SH3D21: variants seen among roughly 807,000 people sequenced by gnomAD.
The protein encoded by SH3D21 is manchette microtubule inner protein 1, also known as SH3 domain-containing protein 21.
In SH3D21, 83 loss-of-function variants were observed where a neutral mutation model predicts 82.1. That is an observed-to-expected ratio of 1.01 (90% CI 0.85 to 1.21). The LOEUF (loss-of-function observed/expected upper bound fraction) is 1.21. Among genes scored for constraint, SH3D21 ranks in the 50% most tolerant of loss-of-function variants. SH3D21 has a pLI of 0.00. For synonymous variants in SH3D21, 383 were observed against 387.8 expected, an observed-to-expected ratio of 0.99 and a Z score of 0.15; for missense variants, 980 against 962.1, an observed-to-expected ratio of 1.02 and a Z score of -0.25.
Position 36,307,723 on chromosome 1 carries a change from C to G in SH3D21, c.437-47C>G. 1 of 1,546,534 alleles carries G rather than the reference C, an allele frequency of 6.5e-7. No homozygotes were observed. Among genetic ancestry groups the G allele is most frequent in the Non-Finnish European group, 8.7e-7 (1 of 1,143,728 alleles). ...GACCCCTCTGACCCTCTCCCATGAC[C>G]TAACCTGTGAATTAGCACCCTCCCT... On this transcript the variant is annotated intron_variant, in intron 5 of 15. Transcript: ENST00000453908. The surrounding 1 kb of genome is among the most constrained non-coding windows in gnomAD (Gnocchi z 5.4).
rs1449436930 is a variant in SH3D21 at position 36,320,555 on chromosome 1, A to C, written c.1892A>C (p.Lys631Thr). ...GVASKEEVTL[K>T]EELPPKEEVA... ...GCTTCCAAAGAGGAGGTGACCCTGA[A>C]AGAGGAATTGCCCCCTAAAGAGGAA... is the stretch of plus-strand genomic sequence containing the variant. The change falls in exon 14 of 16, where the codon AAA (lysine) becomes ACA (threonine). Residue 631 changes from lysine to threonine, a missense_variant. Lys to Thr is a moderately conservative substitution (Grantham distance 78). Coordinates refer to ENST00000453908, the MANE Select transcript of SH3D21 (RefSeq NM_001162530.2). The C allele has an allele frequency of 1.2e-6, 2 of 1,614,040 alleles. No homozygotes were observed. Among genetic ancestry groups the C allele is most frequent in the African/African-American group, 2.7e-5 (2 of 74,918 alleles).
In SH3D21 at chr1:36,321,313, C is replaced by T; in HGVS notation, c.*186C>T. 2 of 1,432,072 alleles carry T rather than the reference C, an allele frequency of 1.4e-6. No homozygotes were observed. The highest frequency in any genetic ancestry group is 1.8e-6 in the Non-Finnish European group (2 of 1,097,794). The allele number at this position is 1,432,072 out of a possible 1,614,324, so 88.7% of individuals were successfully genotyped here. A position where few individuals can be genotyped will look rare whatever the true frequency, so the allele number is the denominator to read the frequency against. On this transcript the variant is annotated 3_prime_UTR_variant, in exon 16 of 16. Transcript: ENST00000453908. This position sits in a 1 kb window ranked among gnomAD's most constrained non-coding sequence, Gnocchi z 6.1. The stretch of plus-strand genomic sequence containing the variant: ...CGCATTCCTGACGGTCCCTCCCAGG[C>T]ACATCTGGCCAACATGTGGCTCCCA...
At chr1:36,329,212 G>A (rs547032909), downstream of SH3D21, 1 of 152,184 alleles carries the variant, frequency 6.6e-6, no homozygotes, top group Admixed American at 6.5e-5. Context: ...GAAATAAAAG[G>A]TAATGATAAT....
rs761915057 is a variant in SH3D21, at chr1:36,320,509, G to T, written c.1846G>T (p.Val616Leu). Residue 616 changes from valine (V) to leucine (L), a missense_variant, in exon 14 of 16, where the codon GTG (valine) becomes TTG (leucine). Transcript: ENST00000453908. ...PNEQRPLREE[V>L]LPKEGVASKE... Reference sequence around the variant, plus strand: ...CGAGCAGAGGCCTCTGAGAGAGGAGGTGCTCCCCAAAGAGGGAGTGGCTTC... The same window carrying T: ...CGAGCAGAGGCCTCTGAGAGAGGAGTTGCTCCCCAAAGAGGGAGTGGCTTC... 6.2e-7 allele frequency: 1 copy of T among 1,614,022 alleles called. No homozygotes were observed. The highest frequency in any genetic ancestry group is 2.2e-5 in the East Asian group (1 of 44,890).
In SH3D21 at chr1:36,307,033, T is replaced by C; in HGVS notation, c.226+128T>C. The C allele has an allele frequency of 1.4e-6, 2 of 1,447,346 alleles. No individual in the cohort carries two copies. Among genetic ancestry groups the C allele is most frequent in the Non-Finnish European group, 1.8e-6 (2 of 1,096,490 alleles). 89.7% of individuals were successfully genotyped at this position (1,447,346 alleles called of 1,614,324 possible). A position where few individuals can be genotyped will look rare whatever the true frequency, so the allele number is the denominator to read the frequency against. ...CTCGGGGCCGCCCTGCGGTCTGTGA[T>C]TGGTTCTCGAGTGCAATGCTCCGCC... On this transcript the variant is annotated intron_variant, in intron 3 of 15. Coordinates refer to ENST00000453908, the MANE Select transcript of SH3D21 (RefSeq NM_001162530.2). This position sits in a 1 kb window ranked among gnomAD's most constrained non-coding sequence, Gnocchi z 5.4.
chr1:36,330,026 A>G (rs1646577227), downstream of SH3D21, among the ~76,000 whole-genome samples: 1 of 151,732 alleles, frequency 6.6e-6, no homozygotes, highest in South Asian at 2.1e-4. Flanking sequence ...GAACTGGCAA[A>G]CAGTTCCAGG....
At chr1:36,309,521 C>T (rs181543739) in intron 9 of SH3D21, 27 bp from the exon 10 acceptor site, 7 of 1,551,174 alleles carry the variant, frequency 4.5e-6, no homozygotes, top group Non-Finnish European at 6.1e-6. Flanking sequence ...ATTAAGGATG[C>T]TCAACCTTTA....
intron 10 of SH3D21, among the ~76,000 whole-genome samples, chr1:36,310,070 T>G (rs1646208118): frequency 6.6e-6 from 1 of 152,108 alleles, no homozygotes; most frequent in Admixed American, 6.6e-5. Context: ...TTCTTCTGCC[T>G]CAGCCTCCCA....
downstream of SH3D21, chr1:36,322,882 G>A (rs1646491738): frequency 3.9e-6 from 6 of 1,550,202 alleles, no homozygotes; most frequent in South Asian, 2.3e-5. Context: ...GGGGAGCGGG[G>A]CGGAGGGGAC....
chr1:36,311,909 G>A (rs1646248000), intron 10 of SH3D21, among the ~76,000 whole-genome samples: 1 of 151,578 alleles, frequency 6.6e-6, no homozygotes, highest in African/African-American at 2.4e-5. Flanking sequence ...TGCCCAGGCT[G>A]GTCTCGAACT....
downstream of SH3D21, chr1:36,328,063 C>G (rs1303762155): frequency 2.2e-6 from 1 of 463,858 alleles, no homozygotes; most frequent in African/African-American, 2.0e-5. Flanking sequence ...TGTCTGCTCA[C>G]CTGCCTGCTT....
At chr1:36,323,768 A>C (rs559272229), downstream of SH3D21, 2 of 151,454 alleles carry the variant, frequency 1.3e-5, no homozygotes, top group African/African-American at 4.9e-5. Context: ...CGTCCCCCAC[A>C]GGAAACCGCC....
At chr1:36,322,232 G>A, downstream of SH3D21, 1 of 1,425,038 alleles carries the variant, frequency 7.0e-7, no homozygotes, top group Non-Finnish European at 9.2e-7. Context: ...AAGGTGTGGG[G>A]TAGCTCTGAG....
chr1:36,319,504 C>T lies in SH3D21; in HGVS notation c.979C>T (p.Gln327Ter). 1 of 1,551,666 alleles carries T rather than the reference C, an allele frequency of 6.4e-7. No individual in the cohort carries two copies. The highest frequency in any genetic ancestry group is 8.7e-7 in the Non-Finnish European group (1 of 1,146,974). Reference protein sequence around the residue: ...YHPGRKRSKTQTPQQRSVSSQ... With the variant: ...YHPGRKRSKT ...CCCTGGCCGAAAGCGATCCAAAACCCAGACTCCCCAGCAACGCTCTGTGTC... is the reference window on the plus strand; with the variant it reads ...CCCTGGCCGAAAGCGATCCAAAACCTAGACTCCCCAGCAACGCTCTGTGTC... Residue 327 changes from glutamine (Q) to a stop codon, truncating the protein, a stop_gained, in exon 13 of 16, where the codon CAG (glutamine) becomes TAG (stop). Transcript: ENST00000453908. LOFTEE classifies it high-confidence loss of function.
Position 36,320,958 on chromosome 1 carries a change from G to C in SH3D21, c.2179G>C (p.Glu727Gln). The change falls in exon 15 of 16, where the codon GAG (glutamate) becomes CAG (glutamine). Residue 727 changes from glutamate (E) to glutamine (Q), a missense_variant. Glu to Gln is a conservative substitution (Grantham distance 29). Transcript: ENST00000453908. ...DIWEELKSEK[E>Q]QRRRLEVQVM... is the part of the protein sequence containing the mutation. ...CTGGGAGGAGCTGAAGAGCGAGAAG[G>C]AGCAGCGCCGGCGGCTGGAGGTGAG... 1 of 1,571,052 alleles carries C rather than the reference G, an allele frequency of 6.4e-7. No individual in the cohort carries two copies. The highest frequency in any genetic ancestry group is 8.6e-7 in the Non-Finnish European group (1 of 1,158,114).
Position 36,320,691 on chromosome 1 carries a change from C to G in SH3D21, c.2028C>G (p.Val676=). ...AGACGCTCGCGCTCCCCTCGCTGGTCCCGCAAAACTACACGGAAAACAAGA... is the reference window on the plus strand; with the variant it reads ...AGACGCTCGCGCTCCCCTCGCTGGTGCCGCAAAACTACACGGAAAACAAGA... ...SQETLALPSL[V]PQNYTENKNE... Residue 676 remains valine (V), a synonymous_variant, in exon 14 of 16, where the codon GTC becomes GTG. Transcript: ENST00000453908. 1 of 1,614,214 alleles carries G rather than the reference C, an allele frequency of 6.2e-7. No homozygotes were observed. The highest frequency in any genetic ancestry group is 1.3e-5 in the African/African-American group (1 of 75,072).
Position 36,307,813 on chromosome 1 carries a change from G to T in SH3D21, c.480G>T (p.Gln160His). ...TGCCTTCAGTCAGCCCTGGTCCCCA[G>T]CGGCCTCCCAAGGTAAGTTGGCTCA... ...PDMPSVSPGP[Q>H]RPPKLSSLAY... Residue 160 changes from glutamine to histidine, a missense_variant, in exon 6 of 16, where the codon CAG (glutamine) becomes CAT (histidine). Transcript: ENST00000453908. The surrounding 1 kb of genome is among the most constrained non-coding windows in gnomAD (Gnocchi z 5.4). The T allele has an allele frequency of 6.4e-7, 1 of 1,551,820 alleles. No individual in the cohort carries two copies. Among genetic ancestry groups the T allele is most frequent in the Non-Finnish European group, 8.7e-7 (1 of 1,147,022 alleles).
At chr1:36,312,955 G>T (rs981730500) in intron 10 of SH3D21, among the ~76,000 whole-genome samples, 1 of 152,080 alleles carries the variant, frequency 6.6e-6, no homozygotes, top group Non-Finnish European at 1.5e-5. Flanking sequence ...TTTGTGGTCT[G>T]CCCGGCTTGG....
chr1:36,329,808 G>A (rs1234445454), downstream of SH3D21, among the ~76,000 whole-genome samples: 2 of 152,194 alleles, frequency 1.3e-5, no homozygotes, highest in African/African-American at 4.8e-5. Flanking sequence ...GAGGCAGGGA[G>A]TCATGGAAAT....
Sources: allele counts gnomAD v4.1 joint callset (sites outside exome capture counted in the v4.1 genomes callset), GRCh38; gene constraint gnomAD v4.1.1; non-coding constraint Gnocchi (gnomAD v3.1); transcripts MANE v1.5; gene names NCBI Gene and HGNC (gene_info 2026-07-23, HGNC 2026-07-21).